MANEA: variants seen among roughly 807,000 people sequenced by gnomAD.
The protein encoded by MANEA is glycoprotein endo-alpha-1,2-mannosidase.
MANEA carries 25 observed loss-of-function variants against 36.8 expected under a neutral mutation model. That is an observed-to-expected ratio of 0.68 (90% CI 0.50 to 0.95). MANEA has a LOEUF of 0.95. MANEA is among the 40% of genes least tolerant of loss of function. The pLI is 0.00. For synonymous variants in MANEA, 198 were observed against 188.5 expected (o/e 1.05, Z -0.41); for missense variants, 565 against 558.8 (o/e 1.01, Z -0.11).
Position 95,586,885 on chromosome 6 carries a change from A to G in MANEA, c.446A>G (p.Asp149Gly). The change falls in exon 2 of 5, where the codon GAC becomes GGC. Residue 149 changes from aspartate (D) to glycine (G), a missense_variant. Coordinates refer to ENST00000358812, the MANE Select transcript of MANEA (RefSeq NM_024641.4). Reference sequence around the variant, plus strand: ...CAAGGGAGACACAACCCTCCAGATGACATTGGCTCCAGCTTTTATCCTGAA... The same window carrying G: ...CAAGGGAGACACAACCCTCCAGATGGCATTGGCTCCAGCTTTTATCCTGAA... ...YPQGRHNPPDDIGSSFYPELG... is the reference protein window; with the variant it reads ...YPQGRHNPPDGIGSSFYPELG... 1 of 1,613,588 alleles carries G rather than the reference A, an allele frequency of 6.2e-7. No homozygotes were observed. The highest frequency in any genetic ancestry group is 8.5e-7 in the Non-Finnish European group (1 of 1,179,514).
intron 3 of MANEA, among the ~76,000 whole-genome samples, chr6:95,597,651 A>G (rs981563647): frequency 3.3e-5 from 5 of 152,076 alleles, no homozygotes; most frequent in Non-Finnish European, 5.9e-5. Flanking sequence ...TAGAAAGTAT[A>G]AAATTATTAA....
Position 95,586,859 on chromosome 6 carries a change from A to G in MANEA, c.420A>G (p.Pro140=), listed in dbSNP as rs765358657. The change falls in exon 2 of 5, where the codon CCA becomes CCG. Residue 140 remains proline (P), a synonymous_variant. Coordinates refer to ENST00000358812, the MANE Select transcript of MANEA (RefSeq NM_024641.4). ...ACCCTAGAATAGCCAAGAATTATCC[A>G]CAAGGGAGACACAACCCTCCAGATG... The part of the protein sequence containing the change: ...HWDPRIAKNY[P]QGRHNPPDDI... The G allele has an allele frequency of 5.0e-6, 8 of 1,613,758 alleles. No individual in the cohort carries two copies. The highest frequency in any genetic ancestry group is 1.3e-5 in the African/African-American group (1 of 75,040).
intron 3 of MANEA, among the ~76,000 whole-genome samples, chr6:95,598,382 C>A (rs1191988141): frequency 6.6e-6 from 1 of 152,098 alleles, no homozygotes; most frequent in Non-Finnish European, 1.5e-5. Flanking sequence ...TTGGCTGGTG[C>A]TGTAGTCATC....
At chr6:95,587,259 G>A (rs1769306762) in intron 2 of MANEA, 2 of 376,674 alleles carry the variant, frequency 5.3e-6, no homozygotes, top group South Asian at 6.8e-5. Context: ...ATTAAATTAT[G>A]ATTTACATAA....
chr6:95,581,274 C>T (rs939765015), intron 1 of MANEA, among the ~76,000 whole-genome samples: 18 of 152,178 alleles, frequency 1.2e-4, no homozygotes, highest in Non-Finnish European at 2.5e-4. Context: ...AGCAGATCAT[C>T]TCTTAAAATT....
At chr6:95,589,663 G>A (rs1769350778) in intron 2 of MANEA, among the ~76,000 whole-genome samples, 1 of 151,838 alleles carries the variant, frequency 6.6e-6, no homozygotes, top group South Asian at 2.1e-4. Flanking sequence ...CTATCCTCTT[G>A]TATTGCTGTA....
chr6:95,603,629 T>C (rs539322296), intron 3 of MANEA, among the ~76,000 whole-genome samples: 42 of 152,188 alleles, frequency 2.8e-4, no homozygotes, highest in African/African-American at 6.7e-4. Context: ...TTTGCTTTAA[T>C]TGGGTAATTG....
chr6:95,593,248 A>G (rs1769419014), intron 2 of MANEA, among the ~76,000 whole-genome samples: 3 of 152,226 alleles, frequency 2.0e-5, no homozygotes, highest in Admixed American at 6.5e-5. Flanking sequence ...GTATTTATTC[A>G]GTGCCACAGT....
chr6:95,601,740 T>C, intron 3 of MANEA, among the ~76,000 whole-genome samples: 1 of 145,978 alleles, frequency 6.9e-6, no homozygotes, highest in African/African-American at 2.6e-5. Context: ...TTTTTTTTTT[T>C]TTTTGCTTAG....
At chr6:95,582,173 CTTTTTTTTTTTTTTT>C (rs67978183) in intron 1 of MANEA, among the ~76,000 whole-genome samples, 11 of 79,360 alleles carry the variant, frequency 1.4e-4, no homozygotes, top group Non-Finnish European at 2.3e-4. Flanking sequence ...GTTGTATCAT[CTTTTTTTTTTTTTTT>C]TTTTTTTTTT....
At chr6:95,595,351 A>G (rs1245840821) in intron 2 of MANEA, among the ~76,000 whole-genome samples, 1 of 152,120 alleles carries the variant, frequency 6.6e-6, no homozygotes, top group Admixed American at 6.5e-5. Flanking sequence ...TCTCTCTAGG[A>G]TATGCCTTCC....
chr6:95,586,275 AAT>A (rs1434953545), intron 1 of MANEA, 125 bp from the exon 2 acceptor site: 2 of 605,040 alleles, frequency 3.3e-6, no homozygotes, highest in South Asian at 2.2e-5. Context: ...TAATTTCACC[AAT>A]ATGTGATGAA....
intron 1 of MANEA, among the ~76,000 whole-genome samples, chr6:95,584,460 G>A (rs1368664422): frequency 3.3e-5 from 5 of 152,106 alleles, no homozygotes; most frequent in Non-Finnish European, 5.9e-5. Context: ...ACTGAGATAC[G>A]CCCTGGTCTC....
rs1183627493 is a variant in MANEA at position 95,586,808 on chromosome 6, GA to G, written c.371del (p.Asn124IlefsTer5). 1 of 1,613,870 alleles carries G rather than the reference GA, an allele frequency of 6.2e-7. No homozygotes were observed. Among genetic ancestry groups the G allele is most frequent in the East Asian group, 2.2e-5 (1 of 44,858 alleles). ...AATTTGATGGTAAATATATACATTG[GA>G]ATCATCCAGTGTTAGAGCATTGGGA... is the stretch of plus-strand genomic sequence containing the variant. ...PQFDGKYIHWNHPVLEHWDPR... is the reference protein window; with the variant it reads ...PQFDGKYIHWXHPVLEHWDPR... On this transcript the variant is annotated frameshift_variant, in exon 2 of 5. Transcript: ENST00000358812. LOFTEE classifies it high-confidence loss of function.
chr6:95,593,962 TGAGGCAG>T (rs779730355), intron 2 of MANEA, among the ~76,000 whole-genome samples: 1 of 152,010 alleles, frequency 6.6e-6, no homozygotes, highest in Non-Finnish European at 1.5e-5. Context: ...ATCGATAGAA[TGAGGCAG>T]GAGAATCACT....
chr6:95,594,964 T>C (rs1769457939), intron 2 of MANEA, among the ~76,000 whole-genome samples: 2 of 152,186 alleles, frequency 1.3e-5, no homozygotes, highest in African/African-American at 2.4e-5. Flanking sequence ...CCCCGTGTTT[T>C]ATATAATAAT....
chr6:95,594,296 A>C (rs916741548), intron 2 of MANEA, among the ~76,000 whole-genome samples: 16 of 152,322 alleles, frequency 1.1e-4, no homozygotes, highest in African/African-American at 3.8e-4. Flanking sequence ...CAGAAGCAAG[A>C]AGTTAACTTG....
rs1312943185 is a variant in MANEA at position 95,607,105 on chromosome 6, A to G, written c.*700A>G. 3 of 152,220 alleles carry G rather than the reference A, an allele frequency of 2.0e-5. No homozygotes were observed. The highest frequency in any genetic ancestry group is 7.2e-5 in the African/African-American group (3 of 41,570). 9.4% of individuals were successfully genotyped at this position (152,220 alleles called of 1,614,324 possible). A position where few individuals can be genotyped will look rare whatever the true frequency, so the allele number is the denominator to read the frequency against. On this transcript the variant is annotated 3_prime_UTR_variant, in exon 5 of 5. Coordinates refer to ENST00000358812, the MANE Select transcript of MANEA (RefSeq NM_024641.4). ...GTGTGTCATTTGCAGATTTGTGGTTACCTATACCACGCTAGGTGTTTTGAC... is the reference window on the plus strand; with the variant it reads ...GTGTGTCATTTGCAGATTTGTGGTTGCCTATACCACGCTAGGTGTTTTGAC...
In MANEA at chr6:95,607,345, A is replaced by C. The variant is rs1769737189; in HGVS notation, c.*940A>C. 6.6e-6 allele frequency: 1 copy of C among 152,118 alleles called. No homozygotes were observed. Among genetic ancestry groups the C allele is most frequent in the Non-Finnish European group, 1.5e-5 (1 of 67,974 alleles). 9.4% of individuals were successfully genotyped at this position (152,118 alleles called of 1,614,324 possible). Reference sequence around the variant, plus strand: ...TATTCATGTCTTTAAATCAGATACCAAATATTTTTTAGGAAAGAAAAATGT... The same window carrying C: ...TATTCATGTCTTTAAATCAGATACCCAATATTTTTTAGGAAAGAAAAATGT... On this transcript the variant is annotated 3_prime_UTR_variant, in exon 5 of 5. Transcript: ENST00000358812.
Sources: gnomAD v4.1 joint callset for allele counts (sites outside exome capture counted in the v4.1 genomes callset) on GRCh38, gnomAD v4.1.1 for gene constraint, MANE v1.5 for transcripts, NCBI Gene and HGNC (gene_info 2026-07-23, HGNC 2026-07-21) for gene names.